CDK14: variants seen among roughly 807,000 people sequenced by gnomAD.
The protein encoded by CDK14 is cyclin-dependent kinase 14.
Under a neutral mutation model 60.7 loss-of-function variants are expected in CDK14, and 34 were observed. That is an observed-to-expected ratio of 0.56 (90% CI 0.43 to 0.75). The LOEUF is 0.75. Among genes scored for constraint, CDK14 ranks in the 30% least tolerant of loss-of-function variants. CDK14 has a pLI of 0.00. For missense variants in CDK14, 482 were observed against 564.1 expected (o/e 0.85, Z 1.47); for synonymous variants, 197 against 203.7 (o/e 0.97, Z 0.28).
chr7:90,947,103 CTGAT>C (rs780520433), intron 8 of CDK14, among the ~76,000 whole-genome samples: 14 of 152,204 alleles, frequency 9.2e-5, no homozygotes, highest in Non-Finnish European at 2.1e-4. Flanking sequence ...GGCTTTTTGT[CTGAT>C]TATCTGGAGG....
chr7:90,710,520 C>A, intron 2 of CDK14: 4 of 985,266 alleles, frequency 4.1e-6, no homozygotes, highest in Non-Finnish European at 4.8e-6. Context: ...CTTTTTGGAT[C>A]ACAGAAATAC....
intron 4 of CDK14, among the ~76,000 whole-genome samples, chr7:90,781,492 A>G (rs1241554627): frequency 1.5e-4 from 22 of 149,642 alleles, no homozygotes; most frequent in African/African-American, 4.4e-4. Context: ...GTCCTTGCCC[A>G]TGCCTATGTC....
chr7:90,759,726 G>C (rs575146292), intron 4 of CDK14, among the ~76,000 whole-genome samples: 5 of 152,114 alleles, frequency 3.3e-5, no homozygotes, highest in Non-Finnish European at 7.4e-5. Flanking sequence ...CTGAATCTAG[G>C]GGGTATGTGA....
intron 10 of CDK14, among the ~76,000 whole-genome samples, chr7:91,040,706 G>A (rs1019516967): frequency 6.6e-5 from 10 of 152,174 alleles, no homozygotes; most frequent in African/African-American, 2.4e-4. Context: ...ATTCCTCTGT[G>A]CTGTAGTCTT....
At chr7:90,622,891 T>G (rs982283027) in intron 2 of CDK14, among the ~76,000 whole-genome samples, 4 of 151,362 alleles carry the variant, frequency 2.6e-5, no homozygotes, top group Admixed American at 6.6e-5. Flanking sequence ...AAATATTGTC[T>G]GAGACTGCAT....
chr7:91,191,667 G>A (rs1317552174), intron 14 of CDK14, among the ~76,000 whole-genome samples: 3 of 151,980 alleles, frequency 2.0e-5, no homozygotes, highest in Non-Finnish European at 4.4e-5. Context: ...TACACTGAGG[G>A]AAGGAAGAAT....
chr7:91,092,372 A>G (rs1798856452), intron 12 of CDK14, among the ~76,000 whole-genome samples: 1 of 152,290 alleles, frequency 6.6e-6, no homozygotes, highest in African/African-American at 2.4e-5. Flanking sequence ...GAGTCATACT[A>G]TAAGAATAAT....
intron 2 of CDK14, among the ~76,000 whole-genome samples, chr7:90,626,930 C>T (rs533874287): frequency 6.6e-6 from 1 of 150,984 alleles, no homozygotes; most frequent in Non-Finnish European, 1.5e-5. Flanking sequence ...TAGAATGAGA[C>T]CCTGTCTCAA....
chr7:90,759,496 A>G (rs534113107), intron 4 of CDK14, among the ~76,000 whole-genome samples: 1 of 152,338 alleles, frequency 6.6e-6, no homozygotes, highest in South Asian at 2.1e-4. Context: ...TGCTTATGCA[A>G]GGGCACCCAT....
intron 2 of CDK14, among the ~76,000 whole-genome samples, chr7:90,712,955 C>T (rs1802119321): frequency 6.6e-6 from 1 of 151,758 alleles, no homozygotes; most frequent in African/African-American, 2.4e-5. Context: ...ATTCATTAGC[C>T]AACGTGAGAG....
intron 7 of CDK14, among the ~76,000 whole-genome samples, chr7:90,901,790 A>G (rs1338420641): frequency 2.0e-5 from 3 of 151,916 alleles, no homozygotes; most frequent in Non-Finnish European, 4.4e-5. Flanking sequence ...AAAAAAATGG[A>G]AAAAATCCAA....
At chr7:90,685,823 A>G (rs1053097863) in intron 2 of CDK14, among the ~76,000 whole-genome samples, 1 of 152,018 alleles carries the variant, frequency 6.6e-6, no homozygotes, top group Admixed American at 6.6e-5. Flanking sequence ...TTCAAATACA[A>G]GTTCTCTCTC....
rs1802941742 is a variant in CDK14 at position 91,207,581 on chromosome 7, A to G, written c.*445A>G. ...GAAAGCCACAGAGTGGCATAAAACA[A>G]TGTGTGTTTTCTTTGAGAGCAGTGC... On this transcript the variant is annotated 3_prime_UTR_variant, in exon 15 of 15. Transcript: ENST00000380050. 1.3e-5 allele frequency: 2 copies of G among 152,682 alleles called. No individual in the cohort carries two copies. The highest frequency in any genetic ancestry group is 2.1e-4 in the South Asian group (1 of 4,830). The allele number at this position is 152,682 out of a possible 1,614,324, so 9.5% of individuals were successfully genotyped here. A position where few individuals can be genotyped will look rare whatever the true frequency, so the allele number is the denominator to read the frequency against.
intron 14 of CDK14, among the ~76,000 whole-genome samples, chr7:91,197,527 A>C (rs1802585819): frequency 6.6e-6 from 1 of 152,046 alleles, no homozygotes; most frequent in South Asian, 2.1e-4. Context: ...TCTGCAATGT[A>C]CCTCCTATTG....
intron 2 of CDK14, among the ~76,000 whole-genome samples, chr7:90,672,319 A>G (rs1801111421): frequency 1.3e-5 from 2 of 152,000 alleles, no homozygotes; most frequent in Non-Finnish European, 2.9e-5. Context: ...GCTATCACCC[A>G]CTTACGTGCC....
chr7:90,682,207 A>C (rs191041204), intron 2 of CDK14, among the ~76,000 whole-genome samples: 11 of 152,304 alleles, frequency 7.2e-5, no homozygotes, highest in Non-Finnish European at 1.5e-5. Flanking sequence ...GAACGTATCC[A>C]GTAAACAGTA....
intron 2 of CDK14, among the ~76,000 whole-genome samples, chr7:90,649,121 C>A (rs1281010321): frequency 6.6e-6 from 1 of 152,066 alleles, no homozygotes; most frequent in Admixed American, 6.6e-5. Context: ...CCAGTTTGTT[C>A]CTGGCAGTAG....
intron 14 of CDK14, among the ~76,000 whole-genome samples, chr7:91,142,338 T>C (rs1028126633): frequency 1.3e-5 from 2 of 152,160 alleles, no homozygotes; most frequent in East Asian, 3.9e-4. Flanking sequence ...TTTGCCACAG[T>C]CCCTGCCACT....
chr7:91,028,613 G>A (rs1796671918), intron 10 of CDK14, among the ~76,000 whole-genome samples: 1 of 152,036 alleles, frequency 6.6e-6, no homozygotes, highest in Non-Finnish European at 1.5e-5. Context: ...TTTTAAAATG[G>A]CCATTTTCAC....
Sources: gnomAD v4.1 joint callset for allele counts (sites outside exome capture counted in the v4.1 genomes callset) on GRCh38, gnomAD v4.1.1 for gene constraint, MANE v1.5 for transcripts, NCBI Gene and HGNC (gene_info 2026-07-23, HGNC 2026-07-21) for gene names.